Variants in BFSP2 observed in about 807,000 individuals in gnomAD.
BFSP2 encodes the protein phakinin.
In BFSP2, 38 loss-of-function variants were observed where a neutral mutation model predicts 44.9. That is an observed-to-expected ratio of 0.85 (90% confidence interval 0.65 to 1.11). The LOEUF is 1.11. Among genes scored for constraint, BFSP2 ranks in the 50% least tolerant of loss-of-function variants. The probability of loss-of-function intolerance (pLI) is 0.00; values close to 1 mark genes in which losing one functional copy is unlikely to be tolerated. For synonymous variants in BFSP2, 197 were observed against 209.9 expected, an observed-to-expected ratio of 0.94 and a Z score of 0.53; for missense variants, 525 against 533.0, an observed-to-expected ratio of 0.99 and a Z score of 0.15.
At chr3:133,438,991 T>C (rs1236372950) in intron 1 of BFSP2, among the ~76,000 whole-genome samples, 2 of 152,352 alleles carry the variant, frequency 1.3e-5, no homozygotes, top group East Asian at 1.9e-4. Context: ...AAGTTCTAGC[T>C]GAGCCACTTA....
intron 4 of BFSP2, among the ~76,000 whole-genome samples, chr3:133,459,239 G>T (rs2074040614): frequency 6.6e-6 from 1 of 152,148 alleles, no homozygotes; most frequent in Non-Finnish European, 1.5e-5. Flanking sequence ...AGCTACTCAG[G>T]AGGCTGAGGC....
intron 1 of BFSP2, among the ~76,000 whole-genome samples, chr3:133,442,832 G>A (rs1185748383): frequency 6.6e-6 from 1 of 151,638 alleles, no homozygotes; most frequent in East Asian, 1.9e-4. Context: ...TGGGGAAAGG[G>A]AAGATTTGTG....
At chr3:133,450,754 A>G (rs1249234804) in intron 4 of BFSP2, among the ~76,000 whole-genome samples, 2 of 152,218 alleles carry the variant, frequency 1.3e-5, no homozygotes, top group African/African-American at 4.8e-5. Context: ...GAAATTTAGT[A>G]ATATGCACCA....
chr3:133,450,210 G>T (rs1000897726), intron 3 of BFSP2, 93 bp from the exon 4 acceptor site: 1 of 1,427,752 alleles, frequency 7.0e-7, no homozygotes. Flanking sequence ...AATGAGAAAA[G>T]AATTGCCCAC....
chr3:133,461,172 G>A (rs953895528), intron 4 of BFSP2, among the ~76,000 whole-genome samples: 5 of 152,138 alleles, frequency 3.3e-5, no homozygotes, highest in Non-Finnish European at 5.9e-5. Flanking sequence ...CTTGGACTTG[G>A]AGATGGTTCT....
chr3:133,442,186 C>T (rs1293988099), intron 1 of BFSP2, among the ~76,000 whole-genome samples: 2 of 152,230 alleles, frequency 1.3e-5, no homozygotes. Flanking sequence ...GTCTCTCAGG[C>T]TGGAGTGCAG....
chr3:133,400,696 T>G lies in BFSP2; in HGVS notation c.489+124T>G. 7.0e-7 allele frequency: 1 copy of G among 1,429,408 alleles called. No homozygotes were observed. The highest frequency in any genetic ancestry group is 9.5e-7 in the Non-Finnish European group (1 of 1,057,368). The allele number at this position is 1,429,408 out of a possible 1,614,324, so 88.5% of individuals were successfully genotyped here. A position where few individuals can be genotyped will look rare whatever the true frequency, so the allele number is the denominator to read the frequency against. ...ACCATAATCCCCTACACTTTCACAC[T>G]TAAAATGGTAATGATAACAACAATG... On this transcript the variant is annotated intron_variant, in intron 1 of 6. Coordinates refer to ENST00000302334, the MANE Select transcript of BFSP2 (RefSeq NM_003571.4). The surrounding 1 kb of genome is among the most constrained non-coding windows in gnomAD (Gnocchi z 4.0).
chr3:133,472,252 C>T, intron 5 of BFSP2, 93 bp from the exon 6 acceptor site: 1 of 1,389,882 alleles, frequency 7.2e-7, no homozygotes, highest in African/African-American at 1.4e-5. Context: ...ATAGTCCAGG[C>T]TACCACCAGC....
Position 133,439,990 on chromosome 3 carries a change from T to G in BFSP2, c.490-7327T>G, listed in dbSNP as rs1184646285. 5.3e-5 allele frequency among the ~76,000 whole-genome samples: 8 copies of G among 152,106 alleles called. No homozygotes were observed. The East Asian group carries it at 1.5e-3, about 29-fold the overall frequency. ...GTATAAGTCCATTTTCCTACTGCTG[T>G]GAAGAAATACCTGAGACTGGGTAAT... On this transcript the variant is annotated intron_variant, in intron 1 of 6. Transcript: ENST00000302334.
chr3:133,403,297 G>A (rs1371011727), intron 1 of BFSP2, among the ~76,000 whole-genome samples: 1 of 152,100 alleles, frequency 6.6e-6, no homozygotes, highest in Non-Finnish European at 1.5e-5. Context: ...CTGGGCTCTG[G>A]TGTTCCGTGC....
chr3:133,463,495 C>T (rs1414574974), intron 4 of BFSP2, among the ~76,000 whole-genome samples: 1 of 152,178 alleles, frequency 6.6e-6, no homozygotes, highest in African/African-American at 2.4e-5. Context: ...GTGGGGTGTC[C>T]GCATGTGCGA....
At chr3:133,453,014 T>C (rs1052328709) in intron 4 of BFSP2, among the ~76,000 whole-genome samples, 1 of 152,252 alleles carries the variant, frequency 6.6e-6, no homozygotes, top group African/African-American at 2.4e-5. Flanking sequence ...GTTTTTTTAA[T>C]AGAGTAATCT....
At chr3:133,402,703 C>T (rs1208141436) in intron 1 of BFSP2, among the ~76,000 whole-genome samples, 1 of 148,514 alleles carries the variant, frequency 6.7e-6, no homozygotes, top group East Asian at 2.0e-4. Flanking sequence ...TGCAGTGGTG[C>T]GATCTCAACT....
chr3:133,460,955 G>A (rs1490492711), intron 4 of BFSP2, among the ~76,000 whole-genome samples: 2 of 152,224 alleles, frequency 1.3e-5, no homozygotes, highest in Admixed American at 6.5e-5. Flanking sequence ...GACACATGAG[G>A]CAGACAGCTC....
chr3:133,433,261 G>A lies in BFSP2; in HGVS notation c.490-14056G>A, dbSNP rs1054716833. On this transcript the variant is annotated intron_variant, in intron 1 of 6. Coordinates refer to ENST00000302334, the MANE Select transcript of BFSP2 (RefSeq NM_003571.4). The stretch of plus-strand genomic sequence containing the variant: ...CTGTTCCTCACCCTGATCACACTTA[G>A]TTTTTTGATGGCAGTTCCACCAGGC... Among the ~76,000 whole-genome samples, 58 of 152,182 alleles carry A rather than the reference G, an allele frequency of 3.8e-4. 1 individual carries two copies. The highest frequency in any genetic ancestry group is 1.4e-3 in the African/African-American group (57 of 41,486).
At chr3:133,423,693 CCTTT>C (rs1463419586) in intron 1 of BFSP2, among the ~76,000 whole-genome samples, 1 of 152,078 alleles carries the variant, frequency 6.6e-6, no homozygotes, top group Non-Finnish European at 1.5e-5. Flanking sequence ...TGCCAGAGCC[CCTTT>C]GAGATAGGGG....
chr3:133,402,599 TTGAAGA>T (rs1235411414), intron 1 of BFSP2, among the ~76,000 whole-genome samples: 1 of 152,076 alleles, frequency 6.6e-6, no homozygotes, highest in Non-Finnish European at 1.5e-5. Flanking sequence ...AATCATGGAC[TTGAAGA>T]TAGAGTAAGA....
chr3:133,442,031 G>A (rs1349818217), intron 1 of BFSP2, among the ~76,000 whole-genome samples: 8 of 152,222 alleles, frequency 5.3e-5, no homozygotes, highest in African/African-American at 1.7e-4. Flanking sequence ...AGCCTTTGGA[G>A]CAATGGAAGA....
chr3:133,472,631 T>C, intron 6 of BFSP2, 66 bp downstream of exon 6: 1 of 1,536,748 alleles, frequency 6.5e-7, no homozygotes, highest in East Asian at 2.4e-5. Context: ...ATAATTATTT[T>C]CCAAACACTG....
Sources: allele counts gnomAD v4.1 joint callset (sites outside exome capture counted in the v4.1 genomes callset), GRCh38; gene constraint gnomAD v4.1.1; non-coding constraint Gnocchi (gnomAD v3.1); transcripts MANE v1.5; gene names NCBI Gene and HGNC (gene_info 2026-07-23, HGNC 2026-07-21).